The following ERGIC1 variants were observed in gnomAD, a reference collection of about 807,000 sequenced individuals.
ERGIC1 encodes endoplasmic reticulum-Golgi intermediate compartment protein 1.
ERGIC1 carries 19 observed loss-of-function variants against 38.3 expected under a neutral mutation model. The ratio of observed to expected loss-of-function variants is 0.50; its 90% CI spans 0.35 to 0.73. The LOEUF (loss-of-function observed/expected upper bound fraction) is 0.73. Ranked by LOEUF, ERGIC1 falls within the 30% of genes least tolerant of loss-of-function variation. ERGIC1 has a pLI of 0.01. For synonymous variants in ERGIC1, 124 were observed against 157.6 expected (o/e 0.79, Z 1.60); for missense variants, 294 against 389.2 (o/e 0.76, Z 2.06).
At chr5:172,870,067 C>G (rs1056599766) in intron 1 of ERGIC1, among the ~76,000 whole-genome samples, 2 of 152,194 alleles carry the variant, frequency 1.3e-5, no homozygotes, top group African/African-American at 4.8e-5. Flanking sequence ...CTCTCTCTCT[C>G]TTCTTGCTGT....
chr5:172,914,096 G>A (rs919640178), intron 4 of ERGIC1, among the ~76,000 whole-genome samples: 6 of 151,718 alleles, frequency 4.0e-5, no homozygotes, highest in African/African-American at 1.5e-4. Flanking sequence ...AAATTTTTTT[G>A]TATAGGCGGG....
At chr5:172,937,076 A>G (rs1763900835) in intron 9 of ERGIC1, 1 of 152,192 alleles carries the variant, frequency 6.6e-6, no homozygotes, top group Non-Finnish European at 1.5e-5. Context: ...TGAGCCTCAG[A>G]ACAGTTTTTT....
At chr5:172,898,492 C>G (rs568787108) in intron 3 of ERGIC1, 2 of 152,380 alleles carry the variant, frequency 1.3e-5, no homozygotes, top group South Asian at 4.1e-4. Flanking sequence ...TCAGCCCTCC[C>G]CTGGCATGGG....
At chr5:172,897,443 A>AG (rs1554110762) in intron 3 of ERGIC1, among the ~76,000 whole-genome samples, 6 of 142,414 alleles carry the variant, frequency 4.2e-5, no homozygotes, top group African/African-American at 5.4e-5. Flanking sequence ...AAAAAAAAAA[A>AG]AGAGAGAGAG....
chr5:172,925,094 C>A (rs371057417), intron 6 of ERGIC1, among the ~76,000 whole-genome samples: 2 of 151,920 alleles, frequency 1.3e-5, no homozygotes, highest in Non-Finnish European at 2.9e-5. Context: ...AAAAATTAGC[C>A]GGGCGTGGTG....
Position 172,952,250 on chromosome 5 carries a change from G to A in ERGIC1, c.*1434G>A, listed in dbSNP as rs1256975480. 1 of 152,138 alleles carries A rather than the reference G, an allele frequency of 6.6e-6. No individual in the cohort carries two copies. The highest frequency in any genetic ancestry group is 1.5e-5 in the Non-Finnish European group (1 of 68,030). 9.4% of individuals were successfully genotyped at this position (152,138 alleles called of 1,614,324 possible). On this transcript the variant is annotated 3_prime_UTR_variant, in exon 10 of 10. Transcript: ENST00000393784. The stretch of plus-strand genomic sequence containing the variant: ...TATCTTATGGATAGCTCAAGTCTCT[G>A]CCATTTGTAATTTTTGGCTCTAAGC...
intron 1 of ERGIC1, among the ~76,000 whole-genome samples, chr5:172,881,203 C>T (rs1290680175): frequency 2.0e-5 from 3 of 151,970 alleles, no homozygotes; most frequent in Admixed American, 6.6e-5. Flanking sequence ...GCTGAGATCA[C>T]GCCATTGCAC....
chr5:172,834,960 C>T lies in ERGIC1; in HGVS notation c.20+527C>T, dbSNP rs1209957893. Among the ~76,000 whole-genome samples, 1 of 152,216 alleles carries T rather than the reference C, an allele frequency of 6.6e-6. No homozygotes were observed. Among genetic ancestry groups the T allele is most frequent in the African/African-American group, 2.4e-5 (1 of 41,458 alleles). The stretch of plus-strand genomic sequence containing the variant: ...GATCGGGAGGCCTGCCCCCGCCCCT[C>T]CCTCCCTCAGCCCCAGCCCTGTCCG... On this transcript the variant is annotated intron_variant, in intron 1 of 9. Coordinates refer to ENST00000393784, the MANE Select transcript of ERGIC1 (RefSeq NM_001031711.3). The surrounding 1 kb of genome is among the most constrained non-coding windows in gnomAD (Gnocchi z 4.1).
intron 1 of ERGIC1, among the ~76,000 whole-genome samples, chr5:172,866,652 AG>A (rs1318086043): frequency 3.9e-5 from 6 of 152,230 alleles, no homozygotes; most frequent in African/African-American, 1.4e-4. Flanking sequence ...GAGAAACTGA[AG>A]CACAGGGCAG....
At chr5:172,886,504 C>T (rs1353802330) in intron 1 of ERGIC1, among the ~76,000 whole-genome samples, 1 of 152,204 alleles carries the variant, frequency 6.6e-6, no homozygotes, top group Non-Finnish European at 1.5e-5. Flanking sequence ...CGCTAAACTA[C>T]AAACTCACTG....
chr5:172,935,591 A>C (rs940529969), intron 9 of ERGIC1: 2 of 364,686 alleles, frequency 5.5e-6, no homozygotes, highest in East Asian at 4.2e-5. Context: ...TGGTTCCACT[A>C]GATGTTTAGG....
In ERGIC1 at chr5:172,914,715, G is replaced by T; in HGVS notation, c.252G>T (p.Leu84Phe). ...GTTGTCTCCCTTTGGCTCCTGCAGT[G>T]GTTGGGCTTGACATTCAGGATGAGA... is the stretch of plus-strand genomic sequence containing the variant. ...NISLPNLHCE[L>F]VGLDIQDEMG... The change falls in exon 5 of 10, where the codon TTG becomes TTT. Residue 84 changes from leucine (L) to phenylalanine (F), a missense_variant and splice_region_variant. By Grantham distance (22) the Leu-to-Phe change is conservative. Coordinates refer to ENST00000393784, the MANE Select transcript of ERGIC1 (RefSeq NM_001031711.3). The T allele has an allele frequency of 1.9e-6, 3 of 1,614,106 alleles. No homozygotes were observed. Among genetic ancestry groups the T allele is most frequent in the Non-Finnish European group, 2.5e-6 (3 of 1,180,046 alleles).
chr5:172,883,991 C>CA (rs1371399433), intron 1 of ERGIC1, among the ~76,000 whole-genome samples: 2 of 152,060 alleles, frequency 1.3e-5, no homozygotes, highest in African/African-American at 4.8e-5. Context: ...CAGCCCCCAT[C>CA]AAAAAGACGA....
chr5:172,862,572 C>G (rs1761742559), intron 1 of ERGIC1, among the ~76,000 whole-genome samples: 1 of 152,172 alleles, frequency 6.6e-6, no homozygotes, highest in African/African-American at 2.4e-5. Context: ...CTTTTCTCTT[C>G]CTGAAGGGAG....
rs966445513 is a variant in ERGIC1, at chr5:172,938,869, C to A, written c.765+3559C>A. On this transcript the variant is annotated intron_variant, in intron 9 of 9. Transcript: ENST00000393784. Reference sequence around the variant, plus strand: ...ACCAGGTCGGGAGTTTGAGACCAGCCTGACCAACATTGTGAAACCCCATCT... The same window carrying A: ...ACCAGGTCGGGAGTTTGAGACCAGCATGACCAACATTGTGAAACCCCATCT... Among the ~76,000 whole-genome samples the A allele has an allele frequency of 6.4e-4, 97 of 152,204 alleles. 1 individual carries two copies. The highest frequency in any genetic ancestry group is 2.6e-4 in the Non-Finnish European group (18 of 67,984).
chr5:172,864,681 G>A (rs997163333), intron 1 of ERGIC1, among the ~76,000 whole-genome samples: 3 of 151,704 alleles, frequency 2.0e-5, no homozygotes, highest in East Asian at 1.9e-4. Context: ...ACTAGTCATC[G>A]TCATCTGCAG....
At chr5:172,840,873 C>T (rs1475474443) in intron 1 of ERGIC1, among the ~76,000 whole-genome samples, 1 of 152,126 alleles carries the variant, frequency 6.6e-6, no homozygotes, top group Admixed American at 6.6e-5. Context: ...TGTATAAAGC[C>T]CTGGTCTGTA....
At chr5:172,939,781 T>C (rs1393649452) in intron 9 of ERGIC1, among the ~76,000 whole-genome samples, 2 of 152,188 alleles carry the variant, frequency 1.3e-5, no homozygotes, top group Admixed American at 6.5e-5. Flanking sequence ...CGGCCGGCTG[T>C]CCCTGGCAGA....
chr5:172,908,300 C>CGGGGGGGGGG (rs374463442), intron 3 of ERGIC1, among the ~76,000 whole-genome samples: 1 of 17,152 alleles, frequency 5.8e-5, no homozygotes, highest in Admixed American at 7.9e-4. Flanking sequence ...GAGGCTGAGG[C>CGGGGGGGGGG]GGGGGCGGGG....
Sources: gnomAD v4.1 joint callset for allele counts (sites outside exome capture counted in the v4.1 genomes callset) on GRCh38, gnomAD v4.1.1 for gene constraint, Gnocchi (gnomAD v3.1) non-coding constraint, MANE v1.5 for transcripts, NCBI Gene and HGNC (gene_info 2026-07-23, HGNC 2026-07-21) for gene names.